The following KCNU1 variants were observed in gnomAD, a reference collection of about 807,000 sequenced individuals.
KCNU1 encodes the protein potassium calcium-activated channel subfamily U member 1, also known as potassium channel subfamily U member 1.
Under a neutral mutation model 126.8 loss-of-function variants are expected in KCNU1, and 93 were observed. The observed-to-expected ratio is 0.73, with a 90% CI of 0.62 to 0.87. The LOEUF (loss-of-function observed/expected upper bound fraction) is 0.87. Among genes scored for constraint, KCNU1 ranks in the 40% least tolerant of loss-of-function variants. The pLI is 0.00. For missense variants in KCNU1, 1,330 were observed against 1,367.1 expected (o/e 0.97, Z 0.43); for synonymous variants, 523 against 494.2 (o/e 1.06, Z -0.77).
At position 36,928,698 on chromosome 8, in the gene KCNU1, A is replaced by G. The variant is rs188895658; in HGVS notation, c.2737-2253A>G. 1.1e-3 allele frequency among the ~76,000 whole-genome samples: 173 copies of G among 152,288 alleles called. 1 individual carries two copies. The highest frequency in any genetic ancestry group is 6.8e-3 in the Middle Eastern group (2 of 294). On this transcript the variant is annotated intron_variant, in intron 24 of 26. Transcript: ENST00000399881. ...TTGTTAAAAATTACCTATCCATTGA[A>G]GTCAATATTCTTACAGCCTTCAAAC...
chr8:36,785,383 A>C (rs2130306580), intron 1 of KCNU1, among the ~76,000 whole-genome samples: 1 of 152,308 alleles, frequency 6.6e-6, no homozygotes, highest in Admixed American at 6.5e-5. Context: ...TCTCTGATAG[A>C]TTATAGCAAT....
intron 19 of KCNU1, among the ~76,000 whole-genome samples, chr8:36,893,717 A>G (rs1807070749): frequency 6.6e-6 from 1 of 152,076 alleles, no homozygotes; most frequent in Admixed American, 6.6e-5. Context: ...TTTTTCTTAA[A>G]CAAATACTCC....
rs1189815555 is a variant in KCNU1, at chr8:36,923,066, G to A, written c.2736+437G>A. On this transcript the variant is annotated intron_variant, in intron 24 of 26. Coordinates refer to ENST00000399881, the MANE Select transcript of KCNU1 (RefSeq NM_001031836.3). ...GCTGGTGAGTTTTGCTCAGAGCTAA[G>A]TCAAATCTCCCTCCATGTTCCTCCT... 3 of 456,950 alleles carry A rather than the reference G, an allele frequency of 6.6e-6. No individual in the cohort carries two copies. In the Admixed American group the frequency reaches 7.0e-5, roughly 11 times the overall value. 28.3% of individuals were successfully genotyped at this position (456,950 alleles called of 1,614,324 possible). A position where few individuals can be genotyped will look rare whatever the true frequency, so the allele number is the denominator to read the frequency against.
At chr8:36,868,336 A>C (rs1563305277) in intron 19 of KCNU1, among the ~76,000 whole-genome samples, 1 of 152,140 alleles carries the variant, frequency 6.6e-6, no homozygotes, top group Admixed American at 6.6e-5. Context: ...TGAGTGGTAA[A>C]ATAAACTGGA....
rs755346387 is a variant in KCNU1 at position 36,840,463 on chromosome 8, G to T, written c.1519G>T (p.Val507Phe). 9 of 1,520,458 alleles carry T rather than the reference G, an allele frequency of 5.9e-6. No individual in the cohort carries two copies. In the Admixed American group the frequency reaches 1.2e-4, roughly 20 times the overall value. 94.2% of individuals were successfully genotyped at this position (1,520,458 alleles called of 1,614,324 possible). The change falls in exon 15 of 27, where the codon GTT becomes TTT. Residue 507 changes from valine to phenylalanine, a missense_variant and splice_region_variant. By Grantham distance (50) the Val-to-Phe change is conservative. Around this residue, in one of 3 missense-constraint regions of KCNU1, gnomAD observed 1,054 missense variants for 1,053.9 expected, o/e 1.00. Transcript: ENST00000399881. ...CGTGTGGCATGATTATGTATTCCAGGTTATGCCTAAACAGACCTGGAAGAA... is the reference window on the plus strand; with the variant it reads ...CGTGTGGCATGATTATGTATTCCAGTTTATGCCTAAACAGACCTGGAAGAA... Reference protein sequence around the residue: ...TSLFVEQNKKVMPKQTWKKHF... With the variant: ...TSLFVEQNKKFMPKQTWKKHF...
rs1379087417 is a variant in KCNU1, at chr8:36,833,264, CCTT to C, written c.1107-287_1107-285del. Among the ~76,000 whole-genome samples the C allele has an allele frequency of 2.0e-5, 3 of 151,996 alleles. No individual in the cohort carries two copies. The East Asian group carries it at 5.8e-4, about 29-fold the overall frequency. ...AACAGTGGCAGACTCATCAATTTCT[CCTT>C]CTAATTTTTTTCATATTTGCTTCTT... On this transcript the variant is annotated intron_variant, in intron 10 of 26. Transcript: ENST00000399881.
chr8:36,917,453 C>T (rs576248211), intron 22 of KCNU1, among the ~76,000 whole-genome samples: 10 of 151,318 alleles, frequency 6.6e-5, no homozygotes, highest in South Asian at 4.2e-4. Flanking sequence ...TGGGCTCAAG[C>T]GACCCTCTCA....
intron 2 of KCNU1, 81 bp from the exon 3 acceptor site, chr8:36,803,946 A>G (rs1803403591): frequency 1.1e-6 from 1 of 928,792 alleles, no homozygotes; most frequent in Non-Finnish European, 1.7e-6. Context: ...AGGCATGGTA[A>G]AAAGAGAAAA....
chr8:36,813,125 C>T (rs549310502), intron 7 of KCNU1, among the ~76,000 whole-genome samples: 3 of 152,178 alleles, frequency 2.0e-5, no homozygotes, highest in South Asian at 4.2e-4. Flanking sequence ...CAACAGTATC[C>T]GCTATCAGCC....
intron 7 of KCNU1, among the ~76,000 whole-genome samples, chr8:36,811,947 C>G (rs188908731): frequency 6.6e-6 from 1 of 152,092 alleles, no homozygotes; most frequent in East Asian, 1.9e-4. Context: ...ACCTGTAATC[C>G]CAGCTACTCT....
At chr8:36,834,765 C>T in intron 11 of KCNU1, 21 bp from the exon 12 acceptor site, 1 of 1,533,116 alleles carries the variant, frequency 6.5e-7, no homozygotes. Flanking sequence ...AAGATGGCTC[C>T]TGTCCGATCT....
Position 36,864,412 on chromosome 8 carries a change from G to A in KCNU1, c.1900G>A (p.Val634Ile), listed in dbSNP as rs1023132342. The change falls in exon 19 of 27, where the codon GTA (valine) becomes ATA (isoleucine). Residue 634 changes from valine (V) to isoleucine (I), a missense_variant. Around this residue, in one of 3 missense-constraint regions of KCNU1, gnomAD observed 1,054 missense variants for 1,053.9 expected, o/e 1.00. Coordinates refer to ENST00000399881, the MANE Select transcript of KCNU1 (RefSeq NM_001031836.3). The stretch of plus-strand genomic sequence containing the variant: ...TTTCTATCCTATTGCAGTGCCATCG[G>A]TAAAGAGAATGAAAAAATGTCTGAA... The part of the protein sequence containing the change: ...RSRQHITVPS[V>I]KRMKKCLKGI... 4.4e-6 allele frequency: 7 copies of A among 1,594,432 alleles called. No individual in the cohort carries two copies. The African/African-American group carries it at 8.1e-5, about 18-fold the overall frequency.
intron 19 of KCNU1, among the ~76,000 whole-genome samples, chr8:36,895,230 C>T (rs1807139208): frequency 6.6e-6 from 1 of 151,888 alleles, no homozygotes; most frequent in African/African-American, 2.4e-5. Flanking sequence ...AGGCACTGAC[C>T]ACCACGCCCA....
At position 36,904,441 on chromosome 8, in the gene KCNU1, G is replaced by A. The variant is rs377386989; in HGVS notation, c.2010-1267G>A. 1.4e-4 allele frequency among the ~76,000 whole-genome samples: 21 copies of A among 152,278 alleles called. 4 individuals are homozygous for A. The highest frequency in any genetic ancestry group is 5.1e-4 in the African/African-American group (21 of 41,568). ...AGGAAGGAAAGCAGAACTGGATATG[G>A]TGAGGTTGGTAACCTCAACTTCAAC... On this transcript the variant is annotated intron_variant, in intron 19 of 26. Transcript: ENST00000399881.
At chr8:36,870,309 G>T (rs1806055272) in intron 19 of KCNU1, among the ~76,000 whole-genome samples, 1 of 152,124 alleles carries the variant, frequency 6.6e-6, no homozygotes, top group African/African-American at 2.4e-5. Context: ...TCTATTTCCA[G>T]CCCTACATAA....
In KCNU1 at chr8:36,804,097, A is replaced by C. The variant is rs1437997423; in HGVS notation, c.377+9A>C. 6.5e-7 allele frequency: 1 copy of C among 1,535,668 alleles called. No individual in the cohort carries two copies. On this transcript the variant is annotated intron_variant, in intron 3 of 26. Coordinates refer to ENST00000399881, the MANE Select transcript of KCNU1 (RefSeq NM_001031836.3). ...TTCATCAATTCTGCTGAGTGAGTACAATGTCCAGTCACACTTGTCTGCTAT... is the reference window on the plus strand; with the variant it reads ...TTCATCAATTCTGCTGAGTGAGTACCATGTCCAGTCACACTTGTCTGCTAT...
At chr8:36,885,481 G>A (rs1806660713) in intron 19 of KCNU1, among the ~76,000 whole-genome samples, 4 of 152,152 alleles carry the variant, frequency 2.6e-5, no homozygotes. Context: ...CTTAAAGCCA[G>A]GAGAAGGAGG....
At chr8:36,932,367 T>C (rs1413930109) in intron 25 of KCNU1, among the ~76,000 whole-genome samples, 1 of 152,122 alleles carries the variant, frequency 6.6e-6, no homozygotes, top group Non-Finnish European at 1.5e-5. Flanking sequence ...CTTTGTTCTT[T>C]ATCCTGAGGA....
At chr8:36,895,688 T>C (rs1807161836) in intron 19 of KCNU1, among the ~76,000 whole-genome samples, 1 of 152,156 alleles carries the variant, frequency 6.6e-6, no homozygotes, top group South Asian at 2.1e-4. Flanking sequence ...ACAAATTTTC[T>C]GTAGATATAT....
Sources: gnomAD v4.1 joint callset for allele counts (sites outside exome capture counted in the v4.1 genomes callset) on GRCh38, gnomAD v4.1.1 for gene constraint, gnomAD v4.1.1 regional missense constraint, MANE v1.5 for transcripts, NCBI Gene and HGNC (gene_info 2026-07-23, HGNC 2026-07-21) for gene names.